CNGB3: variants seen among roughly 807,000 people sequenced by gnomAD.
CNGB3 encodes cyclic nucleotide-gated channel beta-3.
Under a neutral mutation model 92.8 loss-of-function variants are expected in CNGB3, and 86 were observed. The ratio of observed to expected loss-of-function variants is 0.93; its 90% CI spans 0.78 to 1.11. The LOEUF (loss-of-function observed/expected upper bound fraction) is 1.11. Ranked by LOEUF, CNGB3 falls within the 50% of genes least tolerant of loss-of-function variation. The probability of loss-of-function intolerance (pLI) is 0.00; values close to 1 mark genes in which losing one functional copy is unlikely to be tolerated. For missense variants in CNGB3, 1,026 were observed against 956.8 expected (o/e 1.07, Z -0.95); for synonymous variants, 333 against 332.7 (o/e 1.00, Z -0.01).
intron 13 of CNGB3, among the ~76,000 whole-genome samples, chr8:86,613,022 AAG>A (rs1457850796): frequency 6.6e-6 from 1 of 152,204 alleles, no homozygotes; most frequent in African/African-American, 2.4e-5. Flanking sequence ...TTATAAGATA[AAG>A]AGAGTTAATT....
chr8:86,739,906 A>G (rs1825312990), intron 1 of CNGB3, among the ~76,000 whole-genome samples, 170 bp from the exon 2 acceptor site: 1 of 152,200 alleles, frequency 6.6e-6, no homozygotes, highest in South Asian at 2.1e-4. Flanking sequence ...TTGGCCTACT[A>G]TTGAATAATC....
chr8:86,665,878 T>C (rs1217016943), intron 6 of CNGB3, among the ~76,000 whole-genome samples: 1 of 152,088 alleles, frequency 6.6e-6, no homozygotes, highest in Non-Finnish European at 1.5e-5. Context: ...TATGTGTATC[T>C]CCTGAATATA....
intron 3 of CNGB3, among the ~76,000 whole-genome samples, chr8:86,675,163 T>A (rs770382162): frequency 2.6e-5 from 4 of 152,170 alleles, no homozygotes; most frequent in Non-Finnish European, 5.9e-5. Flanking sequence ...GGTTTCATCA[T>A]GTTGGCTAGG....
At chr8:86,652,883 C>A (rs191458218) in intron 7 of CNGB3, among the ~76,000 whole-genome samples, 90 of 152,192 alleles carry the variant, frequency 5.9e-4, no homozygotes, top group African/African-American at 2.1e-3. Context: ...AATACATAAG[C>A]TAGTAATATA....
chr8:86,644,547 C>G, intron 9 of CNGB3, 75 bp downstream of exon 9: 4 of 1,562,324 alleles, frequency 2.6e-6, no homozygotes, highest in Non-Finnish European at 3.5e-6. Context: ...GGGGTCATAT[C>G]CCTGCCAAAT....
chr8:86,625,936 T>G (rs2131580241), intron 13 of CNGB3, 47 bp downstream of exon 13: 1 of 1,451,052 alleles, frequency 6.9e-7, no homozygotes, highest in African/African-American at 1.4e-5. Flanking sequence ...GAGCTTAGAT[T>G]CCATAGAGAA....
At chr8:86,622,893 T>A (rs1822768284) in intron 13 of CNGB3, among the ~76,000 whole-genome samples, 1 of 152,192 alleles carries the variant, frequency 6.6e-6, no homozygotes. Flanking sequence ...ATCTTTTATA[T>A]GATCATCAAA....
intron 3 of CNGB3, among the ~76,000 whole-genome samples, chr8:86,711,161 C>G (rs952276233): frequency 6.6e-6 from 1 of 152,100 alleles, no homozygotes; most frequent in Non-Finnish European, 1.5e-5. Flanking sequence ...TACATGGGCT[C>G]TTTGCGAAAG....
chr8:86,685,277 C>T (rs1168057997), intron 3 of CNGB3, among the ~76,000 whole-genome samples: 1 of 152,096 alleles, frequency 6.6e-6, no homozygotes, highest in Admixed American at 6.6e-5. Flanking sequence ...TATGCAGAAC[C>T]TGGAGTTCTA....
chr8:86,581,935 A>C (rs1042560759), intron 15 of CNGB3, among the ~76,000 whole-genome samples: 1 of 152,144 alleles, frequency 6.6e-6, no homozygotes, highest in Non-Finnish European at 1.5e-5. Context: ...AATTAGTATA[A>C]AATGTCACAC....
intron 4 of CNGB3, among the ~76,000 whole-genome samples, chr8:86,669,861 A>ATT (rs573701899): frequency 4.1e-5 from 6 of 147,226 alleles, no homozygotes; most frequent in African/African-American, 1.5e-4. Context: ...TATCATATTG[A>ATT]TTTTTTTTTT....
rs750045904 is a variant in CNGB3, at chr8:86,647,864, T to C, written c.927A>G (p.Pro309=). 2.5e-6 allele frequency: 4 copies of C among 1,596,778 alleles called. No individual in the cohort carries two copies. The East Asian group carries it at 6.7e-5, about 27-fold the overall frequency. ...CAAAGAAGAGGTAGCAAATATCAAA[T>C]GGTATTATTGATGCGACATCCAACT... ...KFQLDVASII[P]FDICYLFFGF... Residue 309 remains proline, a synonymous_variant, in exon 8 of 18, where the codon CCA becomes CCG. Transcript: ENST00000320005.
At chr8:86,684,178 G>C (rs1824137773) in intron 3 of CNGB3, among the ~76,000 whole-genome samples, 1 of 152,168 alleles carries the variant, frequency 6.6e-6, no homozygotes, top group African/African-American at 2.4e-5. Context: ...ATTATGAAGT[G>C]GGTAAAACAC....
chr8:86,694,619 AC>A (rs1346279398), intron 3 of CNGB3, among the ~76,000 whole-genome samples: 1 of 149,622 alleles, frequency 6.7e-6, no homozygotes, highest in Non-Finnish European at 1.5e-5. Flanking sequence ...CACCTCCCAG[AC>A]AGGGTCGCGG....
intron 3 of CNGB3, among the ~76,000 whole-genome samples, chr8:86,684,519 C>T (rs953664507): frequency 1.1e-4 from 17 of 152,032 alleles, no homozygotes. Context: ...GAAATAAAAA[C>T]TTTGTGTTTT....
At chr8:86,685,600 C>T (rs373177741) in intron 3 of CNGB3, among the ~76,000 whole-genome samples, 12 of 152,198 alleles carry the variant, frequency 7.9e-5, no homozygotes, top group African/African-American at 2.6e-4. Context: ...TAACGATTCT[C>T]GCAAAACTCA....
chr8:86,701,066 C>A (rs527962883), intron 3 of CNGB3, among the ~76,000 whole-genome samples: 2 of 152,180 alleles, frequency 1.3e-5, no homozygotes, highest in African/African-American at 4.8e-5. Flanking sequence ...TCCCTGCCTC[C>A]GCAGCCTAGA....
In CNGB3 at chr8:86,579,166, G is replaced by A. The variant is rs150021032; in HGVS notation, c.1868C>T (p.Thr623Ile). 28 of 1,613,996 alleles carry A rather than the reference G, an allele frequency of 1.7e-5. No individual in the cohort carries two copies. The Middle Eastern group carries it at 6.6e-4, about 38-fold the overall frequency. ...FANLLTLDKK[T>I]LQEILVHYPD... Reference sequence around the variant, plus strand: ...ATAATGCACTAGAATTTCTTGGAGGGTCTTTTTGTCTAGAGTTAAAAGATT... The same window carrying A: ...ATAATGCACTAGAATTTCTTGGAGGATCTTTTTGTCTAGAGTTAAAAGATT... Residue 623 changes from threonine to isoleucine, a missense_variant, in exon 16 of 18, where the codon ACC (threonine) becomes ATC (isoleucine). By Grantham distance (89) the Thr-to-Ile change is moderately conservative. Coordinates refer to ENST00000320005, the MANE Select transcript of CNGB3 (RefSeq NM_019098.5).
intron 10 of CNGB3, among the ~76,000 whole-genome samples, chr8:86,641,959 G>C (rs1403591674): frequency 2.0e-5 from 3 of 151,926 alleles, no homozygotes; most frequent in African/African-American, 7.2e-5. Flanking sequence ...TAGCACACTT[G>C]AAGTTTCTTA....
Sources: gnomAD v4.1 joint callset for allele counts (sites outside exome capture counted in the v4.1 genomes callset) on GRCh38, gnomAD v4.1.1 for gene constraint, MANE v1.5 for transcripts, NCBI Gene and HGNC (gene_info 2026-07-23, HGNC 2026-07-21) for gene names.